The following SYN3 variants were observed in gnomAD, a reference collection of about 807,000 sequenced individuals.
The protein encoded by SYN3 is synapsin III.
Under a neutral mutation model 65.8 loss-of-function variants are expected in SYN3, and 35 were observed. That is an observed-to-expected ratio of 0.53 (90% CI 0.41 to 0.70). SYN3 has a LOEUF of 0.70. Among genes scored for constraint, SYN3 ranks in the 30% least tolerant of loss-of-function variants. The probability of loss-of-function intolerance (pLI) is 0.00; values close to 1 mark genes in which losing one functional copy is unlikely to be tolerated. For synonymous variants in SYN3, 270 were observed against 292.9 expected, an observed-to-expected ratio of 0.92 and a Z score of 0.80; for missense variants, 680 against 749.0, an observed-to-expected ratio of 0.91 and a Z score of 1.08.
At chr22:32,617,109 C>T (rs1443487572) in intron 6 of SYN3, among the ~76,000 whole-genome samples, 1 of 152,206 alleles carries the variant, frequency 6.6e-6, no homozygotes, top group East Asian at 1.9e-4. Context: ...GACATACAAT[C>T]ACTACGCCGT....
At chr22:32,745,855 G>T (rs183795720) in intron 6 of SYN3, among the ~76,000 whole-genome samples, 30 of 152,272 alleles carry the variant, frequency 2.0e-4, no homozygotes, top group Admixed American at 2.0e-3. Context: ...ACAGAGGCAG[G>T]ATCAAAAGGC....
At chr22:32,892,025 T>G (rs28690558) in intron 4 of SYN3, among the ~76,000 whole-genome samples, 8,375 of 151,588 alleles carry the variant, frequency 0.055, 761 homozygotes, top group African/African-American at 0.19. Context: ...GCTGGGCGCA[T>G]AGCTCATACC....
intron 7 of SYN3, among the ~76,000 whole-genome samples, chr22:32,564,894 TAACAGTGCTCCCGGATTACACCCA>T (rs2058643839): frequency 5.1e-5 from 3 of 58,658 alleles, no homozygotes; most frequent in Non-Finnish European, 1.0e-4. Context: ...GACTGCACCC[TAACAGTGCTCCCGGATTACACCCA>T]AACAGTGCTC....
chr22:32,777,408 A>T (rs2045934171), intron 6 of SYN3, among the ~76,000 whole-genome samples: 1 of 151,846 alleles, frequency 6.6e-6, no homozygotes, highest in African/African-American at 2.4e-5. Context: ...TCCAATTATT[A>T]TCACACAGAA....
chr22:32,559,706 C>T (rs113852715), intron 7 of SYN3, among the ~76,000 whole-genome samples: 1,714 of 152,164 alleles, frequency 0.011, 37 homozygotes, highest in African/African-American at 0.038. Flanking sequence ...CGGGTGGCGC[C>T]TGTAGTCCCA....
At chr22:32,671,443 ACCCT>A (rs1251723915) in intron 6 of SYN3, among the ~76,000 whole-genome samples, 1 of 151,364 alleles carries the variant, frequency 6.6e-6, no homozygotes, top group South Asian at 2.1e-4. Context: ...CTAAAAACAC[ACCCT>A]CCCTCACACA....
chr22:32,776,654 G>A (rs73395583), intron 6 of SYN3, among the ~76,000 whole-genome samples: 5,607 of 152,254 alleles, frequency 0.037, 343 homozygotes, highest in African/African-American at 0.13. Context: ...AGCCAGTCAC[G>A]CAGCCTTGAG....
At chr22:32,720,580 G>C (rs141737477) in intron 6 of SYN3, among the ~76,000 whole-genome samples, 2 of 152,312 alleles carry the variant, frequency 1.3e-5, no homozygotes, top group Non-Finnish European at 2.9e-5. Flanking sequence ...CCTCCAAATA[G>C]TGTTATTTTC....
rs545457481 is a variant in SYN3, at chr22:32,965,820, G to A, written c.369+14825C>T. On this transcript the variant is annotated intron_variant, in intron 3 of 13. Coordinates refer to ENST00000358763, the MANE Select transcript of SYN3 (RefSeq NM_003490.4). ...CGCCATTCTCCTGCCTCAGCCTCCC[G>A]AGTAGCTGGGACTACAGGCGCCCGC... is the stretch of plus-strand genomic sequence containing the variant. 1.9e-3 allele frequency among the ~76,000 whole-genome samples: 295 copies of A among 152,042 alleles called. 4 individuals carry two copies. Among genetic ancestry groups the A allele is most frequent in the African/African-American group, 6.8e-3 (283 of 41,480 alleles).
chr22:32,847,934 C>T (rs2146235298), intron 6 of SYN3, among the ~76,000 whole-genome samples: 1 of 152,394 alleles, frequency 6.6e-6, no homozygotes, highest in Middle Eastern at 3.4e-3. Context: ...TAGAGGCACT[C>T]TCTGCCCTAA....
In SYN3 at chr22:32,533,614, C is replaced by G. The variant is rs576189485; in HGVS notation, c.1095+179G>C. The stretch of plus-strand genomic sequence containing the variant: ...CAGTTCCAAGTCCCCAGGCATGAAG[C>G]CTTTCGATGCCTCTGAGGGTGGGAA... On this transcript the variant is annotated intron_variant, in intron 10 of 13. Transcript: ENST00000358763. Among the ~76,000 whole-genome samples, 20 of 152,276 alleles carry G rather than the reference C, an allele frequency of 1.3e-4. No individual in the cohort carries two copies. In the South Asian group the frequency reaches 3.7e-3, roughly 28 times the overall value.
chr22:32,625,739 C>T (rs1236609940), intron 6 of SYN3, among the ~76,000 whole-genome samples: 1 of 152,182 alleles, frequency 6.6e-6, no homozygotes, highest in Middle Eastern at 3.2e-3. Flanking sequence ...TCCAACCAGG[C>T]TACCCAACTC....
intron 6 of SYN3, among the ~76,000 whole-genome samples, chr22:32,713,345 A>G (rs1284972698): frequency 6.6e-6 from 1 of 152,220 alleles, no homozygotes; most frequent in East Asian, 1.9e-4. Context: ...CTTCACCTAC[A>G]TTTTAAATTT....
chr22:33,050,479 CAAAAAAAAAAAA>C (rs58653594), intron 1 of SYN3, among the ~76,000 whole-genome samples: 1 of 108,528 alleles, frequency 9.2e-6, no homozygotes, highest in East Asian at 3.0e-4. Context: ...GAGACTGTTT[CAAAAAAAAAAAA>C]AAAAAAAACA....
rs140567773 is a variant in SYN3, at chr22:32,803,163, T to C, written c.711+61752A>G. ...GCTCTGCTGGGAGAGTGTGTGTGTGTGCACTGGGCTGGGCTGGGCGGTGGG... is the reference window on the plus strand; with the variant it reads ...GCTCTGCTGGGAGAGTGTGTGTGTGCGCACTGGGCTGGGCTGGGCGGTGGG... On this transcript the variant is annotated intron_variant, in intron 6 of 13. Coordinates refer to ENST00000358763, the MANE Select transcript of SYN3 (RefSeq NM_003490.4). 7.3e-3 allele frequency among the ~76,000 whole-genome samples: 1,108 copies of C among 152,232 alleles called. 8 individuals carry two copies. The highest frequency in any genetic ancestry group is 0.023 in the African/African-American group (965 of 41,540).
At chr22:33,026,271 G>C (rs2053640214) in intron 1 of SYN3, among the ~76,000 whole-genome samples, 1 of 152,116 alleles carries the variant, frequency 6.6e-6, no homozygotes, top group South Asian at 2.1e-4. Context: ...ATAGCCCCTT[G>C]TAGGCCCTTA....
intron 6 of SYN3, among the ~76,000 whole-genome samples, chr22:32,675,816 C>T (rs2060432586): frequency 1.3e-5 from 2 of 152,108 alleles, no homozygotes; most frequent in African/African-American, 2.4e-5. Flanking sequence ...GAGCGGGAGG[C>T]GAGATCACAG....
intron 4 of SYN3, among the ~76,000 whole-genome samples, chr22:32,892,476 A>G (rs61027525): frequency 0.056 from 8,498 of 152,272 alleles, 263 homozygotes; most frequent in Middle Eastern, 0.099. Context: ...CCCAAAACCT[A>G]TGTAAACACA....
At chr22:32,768,499 T>C (rs577925905) in intron 6 of SYN3, among the ~76,000 whole-genome samples, 1 of 152,322 alleles carries the variant, frequency 6.6e-6, no homozygotes, top group Admixed American at 6.5e-5. Flanking sequence ...ATTCTACCTT[T>C]ATCCCAGACC....
Sources: allele counts gnomAD v4.1 joint callset (sites outside exome capture counted in the v4.1 genomes callset), GRCh38; gene constraint gnomAD v4.1.1; transcripts MANE v1.5; gene names NCBI Gene and HGNC (gene_info 2026-07-23, HGNC 2026-07-21).